AGXT2: variants seen among roughly 807,000 people sequenced by gnomAD.
The protein encoded by AGXT2 is alanine--glyoxylate aminotransferase 2, mitochondrial.
AGXT2 carries 61 observed loss-of-function variants against 62.5 expected under a neutral mutation model. The ratio of observed to expected loss-of-function variants is 0.98; its 90% CI spans 0.79 to 1.21. The LOEUF is 1.21. Among genes scored for constraint, AGXT2 ranks in the 50% most tolerant of loss-of-function variants. The probability of loss-of-function intolerance (pLI) is 0.00; values close to 1 mark genes in which losing one functional copy is unlikely to be tolerated. For missense variants in AGXT2, 666 were observed against 641.5 expected, an observed-to-expected ratio of 1.04 and a Z score of -0.41; for synonymous variants, 243 against 218.7, an observed-to-expected ratio of 1.11 and a Z score of -0.98.
chr5:35,043,760 T>G (rs1484366912), intron 1 of AGXT2, among the ~76,000 whole-genome samples: 1 of 152,148 alleles, frequency 6.6e-6, no homozygotes, highest in African/African-American at 2.4e-5. Flanking sequence ...GTGGAATCTC[T>G]GCTCATTGCA....
chr5:35,042,167 G>C (rs550905512), intron 1 of AGXT2, among the ~76,000 whole-genome samples: 57 of 152,334 alleles, frequency 3.7e-4, no homozygotes, highest in Non-Finnish European at 7.2e-4. Context: ...TAGGATTTAT[G>C]AAAGTAGGCT....
chr5:35,046,583 A>G (rs1768217455), intron 1 of AGXT2, among the ~76,000 whole-genome samples: 1 of 152,220 alleles, frequency 6.6e-6, no homozygotes, highest in African/African-American at 2.4e-5. Context: ...GTGGAATGAG[A>G]TAATAGTACT....
At chr5:35,010,842 A>G (rs1470395306) in intron 11 of AGXT2, among the ~76,000 whole-genome samples, 1 of 152,190 alleles carries the variant, frequency 6.6e-6, no homozygotes, top group Non-Finnish European at 1.5e-5. Flanking sequence ...AAGAAATATC[A>G]CAGATGGTTT....
chr5:35,006,067 T>C (rs1169316858), intron 12 of AGXT2, among the ~76,000 whole-genome samples: 1 of 152,210 alleles, frequency 6.6e-6, no homozygotes, highest in Non-Finnish European at 1.5e-5. Context: ...TTCCTTTTAA[T>C]AATATATGGT....
At chr5:35,037,158 T>G in intron 3 of AGXT2, 93 bp from the exon 4 acceptor site, 1 of 1,568,462 alleles carries the variant, frequency 6.4e-7, no homozygotes, top group Non-Finnish European at 8.7e-7. Flanking sequence ...CTGTTTTTTC[T>G]CAAAGAGTTT....
chr5:35,035,010 ACCAGTT>A (rs1767708564), intron 5 of AGXT2, among the ~76,000 whole-genome samples: 2 of 152,188 alleles, frequency 1.3e-5, no homozygotes, highest in African/African-American at 4.8e-5. Context: ...GCTGGTCGTG[ACCAGTT>A]GGGGCCCCCT....
intron 10 of AGXT2, among the ~76,000 whole-genome samples, chr5:35,013,513 C>T (rs2162825): frequency 0.09 from 13,676 of 152,082 alleles, 777 homozygotes; most frequent in South Asian, 0.16. Context: ...GATAGGGGTG[C>T]AGTGGCTCAC....
chr5:35,040,434 A>G, intron 2 of AGXT2, 141 bp downstream of exon 2: 2 of 791,908 alleles, frequency 2.5e-6, no homozygotes, highest in South Asian at 1.4e-5. Context: ...GATGCTTCCA[A>G]TGACTTAGAG....
At chr5:35,002,759 G>A (rs548735100) in intron 13 of AGXT2, among the ~76,000 whole-genome samples, 2 of 140,706 alleles carry the variant, frequency 1.4e-5, no homozygotes, top group Admixed American at 7.5e-5. Flanking sequence ...AGGCTATGGC[G>A]CTTTGTGATA....
At chr5:35,026,868 A>G in intron 7 of AGXT2, 2 of 985,356 alleles carry the variant, frequency 2.0e-6, no homozygotes, top group Non-Finnish European at 2.4e-6. Flanking sequence ...ATCTAATTCA[A>G]ATGTAATTAG....
At chr5:35,045,266 CTT>C (rs373271413) in intron 1 of AGXT2, among the ~76,000 whole-genome samples, 18 of 152,248 alleles carry the variant, frequency 1.2e-4, no homozygotes, top group South Asian at 6.2e-4. Flanking sequence ...AGAATTGTGA[CTT>C]ATTTATTTTT....
At chr5:35,026,786 C>G in intron 7 of AGXT2, 1 of 951,566 alleles carries the variant, frequency 1.1e-6, no homozygotes. Flanking sequence ...GGGGAAGAAA[C>G]GTCCCAAAGT....
Position 34,998,612 on chromosome 5 carries a change from G to C in AGXT2, c.*107C>G. The C allele has an allele frequency of 1.1e-6, 1 of 870,422 alleles. No homozygotes were observed. The highest frequency in any genetic ancestry group is 1.9e-6 in the Non-Finnish European group (1 of 533,834). The allele number at this position is 870,422 out of a possible 1,614,324, so 53.9% of individuals were successfully genotyped here. On this transcript the variant is annotated 3_prime_UTR_variant, in exon 14 of 14. Coordinates refer to ENST00000231420, the MANE Select transcript of AGXT2 (RefSeq NM_031900.4). ...ATGACTTTTACAGCTCCTGTGGAGA[G>C]CTGCAGGCTTTCTCTGGATACCAGT...
At chr5:35,010,637 A>G (rs1210009359) in intron 11 of AGXT2, among the ~76,000 whole-genome samples, 1 of 152,134 alleles carries the variant, frequency 6.6e-6, no homozygotes, top group African/African-American at 2.4e-5. Context: ...GTGAGCCAAG[A>G]TCGCGCCACT....
At chr5:35,040,539 T>C (rs748735989) in intron 2 of AGXT2, 36 bp downstream of exon 2, 63 of 1,580,690 alleles carry the variant, frequency 4.0e-5, no homozygotes, top group Non-Finnish European at 5.4e-5. Context: ...CCAGAGAAAC[T>C]ACCTCTTTGA....
intron 9 of AGXT2, among the ~76,000 whole-genome samples, chr5:35,019,704 A>C (rs1166044302): frequency 6.6e-6 from 1 of 152,228 alleles, no homozygotes; most frequent in Non-Finnish European, 1.5e-5. Flanking sequence ...AGCTAGAAGA[A>C]GGCAAGAAAT....
At chr5:35,032,933 T>A in intron 6 of AGXT2, 108 bp from the exon 7 acceptor site, 1 of 870,488 alleles carries the variant, frequency 1.1e-6, no homozygotes, top group Non-Finnish European at 1.9e-6. Context: ...TTTTCCTCCC[T>A]CATTCTTCCC....
At chr5:35,021,811 C>T (rs1420147510) in intron 9 of AGXT2, among the ~76,000 whole-genome samples, 14 of 152,006 alleles carry the variant, frequency 9.2e-5, no homozygotes, top group African/African-American at 2.2e-4. Context: ...AGAAAATTTT[C>T]GCAACCTACT....
intron 9 of AGXT2, among the ~76,000 whole-genome samples, chr5:35,022,402 G>A (rs941164720): frequency 1.3e-5 from 2 of 152,014 alleles, no homozygotes; most frequent in Admixed American, 1.3e-4. Flanking sequence ...CATAAAAAAT[G>A]ATGAGTTCAT....
Sources: gnomAD v4.1 joint callset for allele counts (sites outside exome capture counted in the v4.1 genomes callset) on GRCh38, gnomAD v4.1.1 for gene constraint, MANE v1.5 for transcripts, NCBI Gene and HGNC (gene_info 2026-07-23, HGNC 2026-07-21) for gene names.